CTNND2: variants seen among roughly 807,000 people sequenced by gnomAD.
CTNND2 encodes the protein catenin delta-2.
In CTNND2, 22 loss-of-function variants were observed where a neutral mutation model predicts 144.4. The ratio of observed to expected loss-of-function variants is 0.15; its 90% CI spans 0.11 to 0.22. The LOEUF (loss-of-function observed/expected upper bound fraction) is 0.22. CTNND2 is among the 10% of genes least tolerant of loss of function. The probability of loss-of-function intolerance (pLI) is 1.00; values close to 1 mark genes in which losing one functional copy is unlikely to be tolerated. For synonymous variants in CTNND2, 751 were observed against 695.6 expected, an observed-to-expected ratio of 1.08 and a Z score of -1.25; for missense variants, 1,353 against 1,618.8, an observed-to-expected ratio of 0.84 and a Z score of 2.82.
At chr5:11,416,200 GACT>G (rs1761922256) in intron 3 of CTNND2, among the ~76,000 whole-genome samples, 1 of 152,052 alleles carries the variant, frequency 6.6e-6, no homozygotes, top group African/African-American at 2.4e-5. Context: ...TTATGTTTAG[GACT>G]ACACGTCATG....
At chr5:11,322,818 T>G (rs1274008401) in intron 9 of CTNND2, among the ~76,000 whole-genome samples, 1 of 152,206 alleles carries the variant, frequency 6.6e-6, no homozygotes, top group East Asian at 1.9e-4. Context: ...TAAATACATT[T>G]AAAGAGATTG....
chr5:11,226,344 C>T (rs866531420), intron 10 of CTNND2, among the ~76,000 whole-genome samples: 4 of 152,332 alleles, frequency 2.6e-5, no homozygotes, highest in African/African-American at 9.6e-5. Flanking sequence ...CTCCTTATTG[C>T]TGTCCACCCG....
At chr5:11,823,097 T>G (rs540273857) in intron 1 of CTNND2, among the ~76,000 whole-genome samples, 3 of 152,248 alleles carry the variant, frequency 2.0e-5, no homozygotes, top group African/African-American at 7.2e-5. Context: ...CCATATTCAG[T>G]GCATACTTTT....
intron 18 of CTNND2, among the ~76,000 whole-genome samples, chr5:11,001,007 G>A (rs1376343962): frequency 3.9e-5 from 6 of 152,170 alleles, no homozygotes; most frequent in African/African-American, 1.4e-4. Flanking sequence ...CTAAATCCCA[G>A]GAGGCCCTTC....
chr5:11,004,772 A>G (rs1435507383), intron 18 of CTNND2, among the ~76,000 whole-genome samples: 1 of 61,978 alleles, frequency 1.6e-5, no homozygotes, highest in Non-Finnish European at 3.0e-5. Flanking sequence ...CCTTCTCACA[A>G]AAAAAAAAAA....
chr5:11,420,137 C>T (rs1181221097), intron 3 of CTNND2, among the ~76,000 whole-genome samples: 2 of 152,100 alleles, frequency 1.3e-5, no homozygotes, highest in Non-Finnish European at 1.5e-5. Flanking sequence ...GCCTGGCCAA[C>T]ACAGTGAAAC....
intron 2 of CTNND2, among the ~76,000 whole-genome samples, chr5:11,685,706 C>T (rs10064407): frequency 0.43 from 64,958 of 152,058 alleles, 17,923 homozygotes; most frequent in African/African-American, 0.78. Flanking sequence ...CCTACTACTA[C>T]GAATTGCAAT....
At position 11,283,605 on chromosome 5, in the gene CTNND2, C is replaced by T. The variant is rs565514901; in HGVS notation, c.1629-46782G>A. ...GGGAGAATCACTTGAACCTGGGAGG[C>T]GGAGGTTGCAGTAAGCCAAGACTAT... On this transcript the variant is annotated intron_variant, in intron 9 of 21. Transcript: ENST00000304623. Among the ~76,000 whole-genome samples, 13 of 123,558 alleles carry T rather than the reference C, an allele frequency of 1.1e-4. No individual in the cohort carries two copies. The East Asian group carries it at 2.0e-3, about 19-fold the overall frequency. The allele number at this position is 123,558 out of a possible 152,430, so 81.1% of individuals were successfully genotyped here. A position where few individuals can be genotyped will look rare whatever the true frequency, so the allele number is the denominator to read the frequency against.
Position 10,973,178 on chromosome 5 carries a change from AT to A in CTNND2, c.*274del, listed in dbSNP as rs1162891260. Reference sequence around the variant, plus strand: ...TCTCCTCCCATCAACCACGTTCAGTATAAAGCACTTCTCGTTACTCTACAGC... The same window carrying A: ...TCTCCTCCCATCAACCACGTTCAGTAAAAGCACTTCTCGTTACTCTACAGC... On this transcript the variant is annotated 3_prime_UTR_variant, in exon 22 of 22. Transcript: ENST00000304623. The surrounding 1 kb of genome is among the most constrained non-coding windows in gnomAD (Gnocchi z 5.6). 3 of 349,272 alleles carry A rather than the reference AT, an allele frequency of 8.6e-6. No individual in the cohort carries two copies. The highest frequency in any genetic ancestry group is 1.5e-5 in the Non-Finnish European group (3 of 194,222). 21.6% of individuals were successfully genotyped at this position (349,272 alleles called of 1,614,324 possible). A position where few individuals can be genotyped will look rare whatever the true frequency, so the allele number is the denominator to read the frequency against.
chr5:11,770,522 C>T (rs1488045536), intron 1 of CTNND2, among the ~76,000 whole-genome samples: 2 of 151,980 alleles, frequency 1.3e-5, no homozygotes, highest in East Asian at 3.9e-4. Flanking sequence ...TATTTTTAAT[C>T]TGAATGAATA....
chr5:11,872,962 C>T lies in CTNND2; in HGVS notation c.37+30855G>A, dbSNP rs1432127991. Among the ~76,000 whole-genome samples, 3 of 152,246 alleles carry T rather than the reference C, an allele frequency of 2.0e-5. No homozygotes were observed. The East Asian group carries it at 5.8e-4, about 29-fold the overall frequency. Reference sequence around the variant, plus strand: ...TGACAAAGACTTCATGACTAAAACACCAAAAGCAATGCCAACAAAAGCCAA... The same window carrying T: ...TGACAAAGACTTCATGACTAAAACATCAAAAGCAATGCCAACAAAAGCCAA... On this transcript the variant is annotated intron_variant, in intron 1 of 21. Transcript: ENST00000304623.
intron 3 of CTNND2, among the ~76,000 whole-genome samples, chr5:11,492,256 G>A (rs1325483053): frequency 1.3e-5 from 2 of 152,134 alleles, no homozygotes; most frequent in East Asian, 1.9e-4. Context: ...ATCAATCCAT[G>A]GTTACTACCC....
chr5:11,553,027 G>T (rs1034126917), intron 3 of CTNND2, among the ~76,000 whole-genome samples: 1 of 152,164 alleles, frequency 6.6e-6, no homozygotes, highest in Non-Finnish European at 1.5e-5. Context: ...AGGAATAAGC[G>T]TGCATGATTT....
intron 2 of CTNND2, among the ~76,000 whole-genome samples, chr5:11,627,500 G>A (rs1422906789): frequency 6.6e-6 from 1 of 151,976 alleles, no homozygotes; most frequent in Non-Finnish European, 1.5e-5. Flanking sequence ...ATAGATATTT[G>A]ATGAAAGCTA....
chr5:11,427,012 T>C (rs1175709336), intron 3 of CTNND2, among the ~76,000 whole-genome samples: 1 of 152,210 alleles, frequency 6.6e-6, no homozygotes, highest in Non-Finnish European at 1.5e-5. Flanking sequence ...ATGCATGAGC[T>C]ATGAAATATG....
intron 3 of CTNND2, among the ~76,000 whole-genome samples, chr5:11,469,180 T>C (rs1000484750): frequency 1.3e-5 from 2 of 152,220 alleles, no homozygotes; most frequent in African/African-American, 2.4e-5. Flanking sequence ...GCCAGCTTCC[T>C]CTACATCCAG....
intron 3 of CTNND2, among the ~76,000 whole-genome samples, chr5:11,502,173 G>A (rs138063521): frequency 1.7e-4 from 26 of 150,802 alleles, no homozygotes; most frequent in African/African-American, 5.3e-4. Flanking sequence ...CACTTCCAAC[G>A]TCCAGAACTG....
Position 11,397,158 on chromosome 5 carries a change from G to T in CTNND2, c.485C>A (p.Pro162His). 1.2e-6 allele frequency: 2 copies of T among 1,614,236 alleles called. No individual in the cohort carries two copies. Among genetic ancestry groups the T allele is most frequent in the Non-Finnish European group, 1.7e-6 (2 of 1,180,038 alleles). Residue 162 changes from proline (P) to histidine (H), a missense_variant, in exon 6 of 22, where the codon CCT (proline) becomes CAT (histidine). Pro to His is a moderately conservative substitution (Grantham distance 77). Transcript: ENST00000304623. ...SQSALQLNSK[P>H]EGSFQYPASY... ...GGCCGGATACTGGAAAGACCCTTCA[G>T]GTTTGGAATTGAGCTGAAGTGCACT...
At chr5:11,514,610 C>T (rs1323603037) in intron 3 of CTNND2, among the ~76,000 whole-genome samples, 1 of 152,142 alleles carries the variant, frequency 6.6e-6, no homozygotes, top group Non-Finnish European at 1.5e-5. Context: ...CTTTAAATGT[C>T]ATAGTGTGAC....
Sources: allele counts gnomAD v4.1 joint callset (sites outside exome capture counted in the v4.1 genomes callset), GRCh38; gene constraint gnomAD v4.1.1; non-coding constraint Gnocchi (gnomAD v3.1); transcripts MANE v1.5; gene names NCBI Gene and HGNC (gene_info 2026-07-23, HGNC 2026-07-21).